The following FSTL4 variants were observed in gnomAD, a reference collection of about 807,000 sequenced individuals.
FSTL4 encodes the protein follistatin-related protein 4.
FSTL4 carries 28 observed loss-of-function variants against 78.2 expected under a neutral mutation model. The observed-to-expected ratio is 0.36, with a 90% CI of 0.27 to 0.49. FSTL4 has a LOEUF of 0.49. Ranked by LOEUF, FSTL4 falls within the 20% of genes least tolerant of loss-of-function variation. The pLI, the probability that FSTL4 is intolerant of heterozygous loss-of-function variation, is 0.98. For synonymous variants in FSTL4, 422 were observed against 440.5 expected (o/e 0.96, Z 0.53); for missense variants, 922 against 1,084.9 (o/e 0.85, Z 2.11).
At chr5:133,579,460 G>A (rs574107129) in intron 2 of FSTL4, among the ~76,000 whole-genome samples, 2 of 152,264 alleles carry the variant, frequency 1.3e-5, no homozygotes, top group East Asian at 1.9e-4. Context: ...GCTGTCGATC[G>A]AACAAGCTTC....
At chr5:133,817,537 G>C in the FSTL4 span, among the ~76,000 whole-genome samples, 4 of 152,210 alleles carry the variant, frequency 2.6e-5, no homozygotes, top group African/African-American at 9.6e-5. Context: ...TAGACCTGAA[G>C]TGTAAGAGGA....
the FSTL4 span, among the ~76,000 whole-genome samples, chr5:133,728,954 A>G: frequency 9.8e-5 from 15 of 152,322 alleles, no homozygotes; most frequent in African/African-American, 3.6e-4. Flanking sequence ...AATCGGCCCA[A>G]GAACTGCCTT....
At chr5:133,472,445 T>C (rs1757844545) in intron 3 of FSTL4, among the ~76,000 whole-genome samples, 1 of 151,834 alleles carries the variant, frequency 6.6e-6, no homozygotes, top group Non-Finnish European at 1.5e-5. Flanking sequence ...AAAAAGAGGC[T>C]CCAGAAGAAA....
At chr5:133,657,895 G>A in the FSTL4 span, among the ~76,000 whole-genome samples, 1 of 150,532 alleles carries the variant, frequency 6.6e-6, no homozygotes, top group Admixed American at 6.6e-5. Flanking sequence ...AATGCTACAA[G>A]AAATAACATT....
rs768716674 is a variant in FSTL4 at position 133,197,843 on chromosome 5, C to T, written c.*1252G>A. On this transcript the variant is annotated 3_prime_UTR_variant, in exon 16 of 16. Coordinates refer to ENST00000265342, the MANE Select transcript of FSTL4 (RefSeq NM_015082.2). ...GAGGGCTATGTGGGTTGTACTTCTT[C>T]GATGCCCATGTGAGAGTCACCACAG... 4.6e-5 allele frequency: 7 copies of T among 152,336 alleles called. No individual in the cohort carries two copies. The highest frequency in any genetic ancestry group is 2.1e-4 in the South Asian group (1 of 4,818). 9.4% of individuals were successfully genotyped at this position (152,336 alleles called of 1,614,324 possible). A position where few individuals can be genotyped will look rare whatever the true frequency, so the allele number is the denominator to read the frequency against.
At chr5:133,544,776 C>G (rs1233378245) in intron 3 of FSTL4, among the ~76,000 whole-genome samples, 1 of 152,172 alleles carries the variant, frequency 6.6e-6, no homozygotes, top group Non-Finnish European at 1.5e-5. Flanking sequence ...TCTCTTTGGT[C>G]CCGGACTAAA....
the FSTL4 span, among the ~76,000 whole-genome samples, chr5:133,805,565 A>G: frequency 6.6e-6 from 1 of 152,220 alleles, no homozygotes; most frequent in Non-Finnish European, 1.5e-5. Flanking sequence ...AGTAAAAAGA[A>G]AATAAATAGA....
chr5:133,639,626 TCTC>T, the FSTL4 span, among the ~76,000 whole-genome samples: 1 of 152,006 alleles, frequency 6.6e-6, no homozygotes, highest in Non-Finnish European at 1.5e-5. Flanking sequence ...AAGAGGAGGA[TCTC>T]CTACTCTCGG....
At position 133,198,703 on chromosome 5, in the gene FSTL4, C is replaced by T. The variant is rs950607896; in HGVS notation, c.*392G>A. ...GTCGGCCTCTGCTTCCGGGCCACTC[C>T]GTCAGGGCAAAGTCTGGCTGGGTCT... On this transcript the variant is annotated 3_prime_UTR_variant, in exon 16 of 16. Coordinates refer to ENST00000265342, the MANE Select transcript of FSTL4 (RefSeq NM_015082.2). The T allele has an allele frequency of 1.4e-4, 23 of 162,358 alleles. No homozygotes were observed. In the East Asian group the frequency reaches 4.0e-3, roughly 28 times the overall value. 10.1% of individuals were successfully genotyped at this position (162,358 alleles called of 1,614,324 possible).
At chr5:133,724,127 G>A in the FSTL4 span, among the ~76,000 whole-genome samples, 6 of 152,220 alleles carry the variant, frequency 3.9e-5, no homozygotes, top group Non-Finnish European at 1.5e-5. Context: ...TGGAGGTTGG[G>A]GAAACAGTGT....
chr5:133,705,063 T>C, the FSTL4 span, among the ~76,000 whole-genome samples: 1 of 152,194 alleles, frequency 6.6e-6, no homozygotes, highest in African/African-American at 2.4e-5. Flanking sequence ...TATGTTTTTG[T>C]TGTTGTTGTT....
At chr5:133,240,055 G>A (rs886325266) in intron 7 of FSTL4, among the ~76,000 whole-genome samples, 5 of 152,320 alleles carry the variant, frequency 3.3e-5, no homozygotes, top group African/African-American at 1.2e-4. Context: ...AATAAATGCT[G>A]CTGCTCACTC....
rs775114004 is a variant in FSTL4 at position 133,199,085 on chromosome 5, T to G, written c.*10A>C. 6.7e-7 allele frequency: 1 copy of G among 1,483,246 alleles called. No homozygotes were observed. Among genetic ancestry groups the G allele is most frequent in the African/African-American group, 1.4e-5 (1 of 71,350 alleles). 91.9% of individuals were successfully genotyped at this position (1,483,246 alleles called of 1,614,324 possible). A position where few individuals can be genotyped will look rare whatever the true frequency, so the allele number is the denominator to read the frequency against. Reference sequence around the variant, plus strand: ...GGTGTTCCTTGGCCCAGGGCTCTGCTCTGGGCCCTTCATACCTCACCCACC... The same window carrying G: ...GGTGTTCCTTGGCCCAGGGCTCTGCGCTGGGCCCTTCATACCTCACCCACC... On this transcript the variant is annotated 3_prime_UTR_variant, in exon 16 of 16. Coordinates refer to ENST00000265342, the MANE Select transcript of FSTL4 (RefSeq NM_015082.2). This position sits in a 1 kb window ranked among gnomAD's most constrained non-coding sequence, Gnocchi z 4.4.
In FSTL4 at chr5:133,334,490, G is replaced by A. The variant is rs559934650; in HGVS notation, c.410-17838C>T. 1.6e-4 allele frequency among the ~76,000 whole-genome samples: 25 copies of A among 152,196 alleles called. 1 individual carries two copies. The South Asian group carries it at 4.6e-3, about 28-fold the overall frequency. ...ACACTGGAATAGAGCATGGTGTGGG[G>A]TGCGTCTGGGCACTGGTAAGATTCT... On this transcript the variant is annotated intron_variant, in intron 4 of 15. Coordinates refer to ENST00000265342, the MANE Select transcript of FSTL4 (RefSeq NM_015082.2).
intron 4 of FSTL4, among the ~76,000 whole-genome samples, chr5:133,348,854 G>A (rs576630610): frequency 6.6e-6 from 1 of 152,312 alleles, no homozygotes; most frequent in South Asian, 2.1e-4. Flanking sequence ...CCCCAGCATG[G>A]AGCCTGGAAC....
At chr5:133,660,882 T>G in the FSTL4 span, among the ~76,000 whole-genome samples, 1 of 152,232 alleles carries the variant, frequency 6.6e-6, no homozygotes, top group Non-Finnish European at 1.5e-5. Flanking sequence ...TTGACTGACA[T>G]CCACGCTGGT....
chr5:133,809,494 C>G, the FSTL4 span, among the ~76,000 whole-genome samples: 1 of 151,918 alleles, frequency 6.6e-6, no homozygotes, highest in Non-Finnish European at 1.5e-5. Context: ...CCCAGCATCC[C>G]CTCCTGGGCC....
chr5:133,369,197 A>G (rs2126941327), intron 4 of FSTL4, among the ~76,000 whole-genome samples: 1 of 152,322 alleles, frequency 6.6e-6, no homozygotes, highest in East Asian at 1.9e-4. Context: ...TAATCTCTGT[A>G]TCTTCCAAAG....
the FSTL4 span, among the ~76,000 whole-genome samples, chr5:133,680,949 G>A: frequency 6.6e-6 from 1 of 152,198 alleles, no homozygotes; most frequent in Non-Finnish European, 1.5e-5. Context: ...ACTGAACCCA[G>A]ACCTGTGGGA....
Sources: gnomAD v4.1 joint callset for allele counts (sites outside exome capture counted in the v4.1 genomes callset) on GRCh38, gnomAD v4.1.1 for gene constraint, Gnocchi (gnomAD v3.1) non-coding constraint, MANE v1.5 for transcripts, NCBI Gene and HGNC (gene_info 2026-07-23, HGNC 2026-07-21) for gene names.